FSTL5: variants seen among roughly 807,000 people sequenced by gnomAD.
FSTL5 encodes follistatin-related protein 5.
Under a neutral mutation model 89.1 loss-of-function variants are expected in FSTL5, and 62 were observed. The ratio of observed to expected loss-of-function variants is 0.70; its 90% CI spans 0.57 to 0.86. The LOEUF (loss-of-function observed/expected upper bound fraction) is 0.86, where lower values mean the gene tolerates loss of function less well. Ranked by LOEUF, FSTL5 falls within the 40% of genes least tolerant of loss-of-function variation. FSTL5 has a pLI of 0.00. For missense variants in FSTL5, 1,057 were observed against 1,001.6 expected (o/e 1.06, Z -0.75); for synonymous variants, 383 against 346.2 (o/e 1.11, Z -1.18).
intron 3 of FSTL5, among the ~76,000 whole-genome samples, chr4:161,985,906 G>A (rs2111062017): frequency 6.6e-6 from 1 of 152,122 alleles, no homozygotes; most frequent in East Asian, 1.9e-4. Flanking sequence ...CTTGAAATGT[G>A]GAGTCCTCTA....
At chr4:161,765,117 C>G (rs1024961465) in intron 5 of FSTL5, among the ~76,000 whole-genome samples, 4 of 152,290 alleles carry the variant, frequency 2.6e-5, no homozygotes, top group Admixed American at 1.3e-4. Flanking sequence ...TTGACAATGT[C>G]ATTCTAAGTC....
chr4:161,731,686 T>A (rs1208029043), intron 6 of FSTL5, among the ~76,000 whole-genome samples: 1 of 151,858 alleles, frequency 6.6e-6, no homozygotes, highest in Non-Finnish European at 1.5e-5. Context: ...ATGAAAACAG[T>A]GACTGTTTCT....
intron 4 of FSTL5, among the ~76,000 whole-genome samples, chr4:161,867,959 A>G (rs1207412909): frequency 6.6e-6 from 1 of 152,082 alleles, no homozygotes; most frequent in African/African-American, 2.4e-5. Context: ...TCTGTTTATA[A>G]AGAACATAGG....
chr4:161,643,083 G>A, intron 7 of FSTL5, among the ~76,000 whole-genome samples: 1 of 152,020 alleles, frequency 6.6e-6, no homozygotes, highest in Non-Finnish European at 1.5e-5. Context: ...TTTTTTAAAT[G>A]GCAATTTACA....
chr4:161,947,422 T>A (rs1734767485), intron 3 of FSTL5, among the ~76,000 whole-genome samples: 1 of 152,112 alleles, frequency 6.6e-6, no homozygotes, highest in South Asian at 2.1e-4. Flanking sequence ...TTTTTATTCA[T>A]GGAGTGAGTT....
At chr4:161,934,319 C>T (rs2110903867) in intron 3 of FSTL5, among the ~76,000 whole-genome samples, 1 of 152,094 alleles carries the variant, frequency 6.6e-6, no homozygotes, top group South Asian at 2.1e-4. Flanking sequence ...AGTAGAAACT[C>T]AGGGGATCTT....
At chr4:161,554,490 G>T (rs944509005) in intron 8 of FSTL5, among the ~76,000 whole-genome samples, 1 of 151,382 alleles carries the variant, frequency 6.6e-6, no homozygotes, top group South Asian at 2.1e-4. Context: ...CATTATTGCC[G>T]CAGAGTATGG....
At chr4:161,932,637 T>C (rs1296470302) in intron 3 of FSTL5, among the ~76,000 whole-genome samples, 1 of 151,916 alleles carries the variant, frequency 6.6e-6, no homozygotes, top group East Asian at 1.9e-4. Context: ...TTATATCCTA[T>C]AGCTCTATAA....
chr4:161,880,376 T>C (rs1347154764), intron 4 of FSTL5, among the ~76,000 whole-genome samples: 1 of 152,034 alleles, frequency 6.6e-6, no homozygotes, highest in Non-Finnish European at 1.5e-5. Context: ...ATAACAGAAC[T>C]TGGAGTTCTG....
chr4:161,600,440 C>CT (rs71598718), intron 7 of FSTL5, among the ~76,000 whole-genome samples: 26,106 of 151,476 alleles, frequency 0.17, 2,343 homozygotes, highest in Middle Eastern at 0.32. Flanking sequence ...AGATATATCT[C>CT]TTTTTTTTAA....
chr4:161,510,414 T>C lies in FSTL5; in HGVS notation c.1323A>G (p.Ile441Met). 1 of 1,538,242 alleles carries C rather than the reference T, an allele frequency of 6.5e-7. No homozygotes were observed. Among genetic ancestry groups the C allele is most frequent in the Non-Finnish European group, 8.7e-7 (1 of 1,143,060 alleles). ...EDSARKTLAN[I>M]LWREEGLGIG... is the part of the protein sequence containing the mutation. ...ACTTAGTACCTTCTTCTCTCCATAA[T>C]ATGTTAGCTACTGCAGCATGTTGAA... The change falls in exon 11 of 16, where the codon ATA becomes ATG. Residue 441 changes from isoleucine (I) to methionine (M), a missense_variant. Transcript: ENST00000306100.
chr4:161,956,202 T>C (rs1327068908), intron 3 of FSTL5, among the ~76,000 whole-genome samples: 1 of 151,868 alleles, frequency 6.6e-6, no homozygotes, highest in African/African-American at 2.4e-5. Flanking sequence ...GGATAAGTGC[T>C]GAAATAGCAA....
chr4:161,660,469 T>C (rs1736667141), intron 6 of FSTL5, among the ~76,000 whole-genome samples: 1 of 152,182 alleles, frequency 6.6e-6, no homozygotes, highest in Admixed American at 6.5e-5. Flanking sequence ...AAATATGTCA[T>C]ATTTTTTAAG....
intron 7 of FSTL5, among the ~76,000 whole-genome samples, chr4:161,607,811 TTTG>T (rs1734505042): frequency 6.6e-6 from 1 of 152,174 alleles, no homozygotes; most frequent in Non-Finnish European, 1.5e-5. Flanking sequence ...ATGCTGAATA[TTTG>T]TTATCATTAA....
chr4:161,964,264 C>T (rs1413519115), intron 3 of FSTL5, among the ~76,000 whole-genome samples: 2 of 151,980 alleles, frequency 1.3e-5, no homozygotes, highest in Non-Finnish European at 1.5e-5. Flanking sequence ...GATTTAACCT[C>T]TAGCAGAAAA....
Position 161,542,635 on chromosome 4 carries a change from G to A in FSTL5, c.1074C>T (p.Ala358=). ...TGCCCTCTGCATGGCACCTAAGACT[G>A]GCAGTTACCCCAGGCTCTCTAGCCT... ...ESQAREPGVT[A]SLRCHAEGIP... The change falls in exon 9 of 16, where the codon GCC becomes GCT. Residue 358 remains alanine (A), a synonymous_variant. Transcript: ENST00000306100. The A allele has an allele frequency of 1.3e-6, 2 of 1,561,862 alleles. No individual in the cohort carries two copies. Among genetic ancestry groups the A allele is most frequent in the Middle Eastern group, 1.7e-4 (1 of 5,850 alleles).
rs1327180018 is a variant in FSTL5, at chr4:161,652,041, G to T, written c.894+4287C>A. The stretch of plus-strand genomic sequence containing the variant: ...TGGATTACCTCACTTGCACACAGTG[G>T]TTAAACTCCTGCTCTTGAGGCAATC... On this transcript the variant is annotated intron_variant, in intron 7 of 15. Coordinates refer to ENST00000306100, the MANE Select transcript of FSTL5 (RefSeq NM_020116.5). Among the ~76,000 whole-genome samples, 5 of 152,128 alleles carry T rather than the reference G, an allele frequency of 3.3e-5. No individual in the cohort carries two copies. The South Asian group carries it at 8.3e-4, about 25-fold the overall frequency.
chr4:162,006,877 G>A (rs894449052), intron 3 of FSTL5, among the ~76,000 whole-genome samples: 1 of 151,864 alleles, frequency 6.6e-6, no homozygotes, highest in Non-Finnish European at 1.5e-5. Flanking sequence ...CATGGTTTTG[G>A]AGAGGAATTG....
At chr4:161,968,444 C>T (rs999604835) in intron 3 of FSTL5, among the ~76,000 whole-genome samples, 1 of 151,824 alleles carries the variant, frequency 6.6e-6, no homozygotes, top group African/African-American at 2.4e-5. Context: ...ATTTATAAAT[C>T]AAATAACTGC....
Sources: allele counts gnomAD v4.1 joint callset (sites outside exome capture counted in the v4.1 genomes callset), GRCh38; gene constraint gnomAD v4.1.1; transcripts MANE v1.5; gene names NCBI Gene and HGNC (gene_info 2026-07-23, HGNC 2026-07-21).